TPO: variants seen among roughly 807,000 people sequenced by gnomAD.
TPO encodes thyroid peroxidase.
A neutral mutation model predicts 96.9 loss-of-function variants in TPO; 78 were observed. The ratio of observed to expected loss-of-function variants is 0.81; its 90% CI spans 0.67 to 0.97. The LOEUF is 0.97. Among genes scored for constraint, TPO ranks in the 50% least tolerant of loss-of-function variants. The pLI is 0.00. For synonymous variants in TPO, 547 were observed against 538.0 expected (o/e 1.02, Z -0.23); for missense variants, 1,252 against 1,274.8 (o/e 0.98, Z 0.27).
intron 15 of TPO, among the ~76,000 whole-genome samples, chr2:1,529,776 C>G: frequency 1.0e-5 from 1 of 99,998 alleles, no homozygotes; most frequent in East Asian, 3.9e-4. Context: ...CTCCTCTAAT[C>G]CCCCCACTGT....
chr2:1,517,017 C>T, intron 15 of TPO, 35 bp downstream of exon 15: 1 of 1,600,424 alleles, frequency 6.2e-7, no homozygotes, highest in Non-Finnish European at 8.6e-7. Flanking sequence ...TACTTAGACA[C>T]AAAGCAATCT....
chr2:1,463,316 A>G (rs560250629), intron 7 of TPO, among the ~76,000 whole-genome samples: 1 of 152,338 alleles, frequency 6.6e-6, no homozygotes, highest in Non-Finnish European at 1.5e-5. Context: ...AATATACCGT[A>G]TACTCTAGGA....
intron 1 of TPO, among the ~76,000 whole-genome samples, chr2:1,390,026 T>A (rs1040950529): frequency 2.0e-5 from 3 of 151,954 alleles, no homozygotes; most frequent in Admixed American, 2.0e-4. Context: ...TTTCTTTTTT[T>A]TTTTTTTTAA....
At chr2:1,440,168 G>A (rs1032540871) in intron 5 of TPO, among the ~76,000 whole-genome samples, 4 of 79,844 alleles carry the variant, frequency 5.0e-5, no homozygotes, top group East Asian at 2.5e-4. Flanking sequence ...CGTTTCCACC[G>A]TGCTGCGTTT....
intron 15 of TPO, among the ~76,000 whole-genome samples, 172 bp downstream of exon 15, chr2:1,517,154 C>A (rs142521767): frequency 2.6e-5 from 4 of 152,266 alleles, no homozygotes; most frequent in African/African-American, 9.6e-5. Flanking sequence ...CCGGATCTTT[C>A]ATTATGCTTT....
At chr2:1,539,713 G>A (rs760986828) in intron 15 of TPO, among the ~76,000 whole-genome samples, 1 of 152,084 alleles carries the variant, frequency 6.6e-6, no homozygotes, top group African/African-American at 2.4e-5. Flanking sequence ...ACGTTGCCGC[G>A]TTGACACAGG....
chr2:1,388,739 C>A (rs1244981334), intron 1 of TPO, among the ~76,000 whole-genome samples: 1 of 152,144 alleles, frequency 6.6e-6, no homozygotes, highest in East Asian at 1.9e-4. Context: ...GTCTGACAAG[C>A]CCCAGTGAGA....
At chr2:1,436,030 T>A (rs1453815124) in intron 4 of TPO, among the ~76,000 whole-genome samples, 2 of 152,154 alleles carry the variant, frequency 1.3e-5, no homozygotes, top group Non-Finnish European at 2.9e-5. Context: ...CAAAAATAAA[T>A]TTTAAAACCC....
At chr2:1,394,603 G>T (rs1164096384) in intron 1 of TPO, among the ~76,000 whole-genome samples, 3 of 152,210 alleles carry the variant, frequency 2.0e-5, no homozygotes, top group Non-Finnish European at 4.4e-5. Flanking sequence ...GGCCAGTGGG[G>T]CTGGGATTGG....
chr2:1,379,419 G>A (rs1430664235), intron 1 of TPO, among the ~76,000 whole-genome samples: 2 of 152,112 alleles, frequency 1.3e-5, no homozygotes, highest in African/African-American at 2.4e-5. Context: ...TCCAGGGCTG[G>A]AGCAATCCCT....
chr2:1,427,995 C>T (rs900101711), intron 3 of TPO, among the ~76,000 whole-genome samples: 5 of 152,022 alleles, frequency 3.3e-5, no homozygotes, highest in African/African-American at 4.8e-5. Context: ...GGATGATGTC[C>T]CCAAACCGAG....
At chr2:1,530,943 CCACT>C (rs1414419329) in intron 15 of TPO, among the ~76,000 whole-genome samples, 2 of 116,674 alleles carry the variant, frequency 1.7e-5, no homozygotes, top group East Asian at 5.5e-4. Context: ...CCAAATCCCC[CCACT>C]ATGTGCGACC....
upstream of TPO, among the ~76,000 whole-genome samples, chr2:1,412,263 C>G (rs1662419399): frequency 6.6e-6 from 1 of 152,318 alleles, no homozygotes; most frequent in South Asian, 2.1e-4. Context: ...AGGCATCAAA[C>G]CGAGGATGGC....
At chr2:1,442,202 T>G (rs1298975676) in intron 5 of TPO, among the ~76,000 whole-genome samples, 1 of 152,156 alleles carries the variant, frequency 6.6e-6, no homozygotes, top group Non-Finnish European at 1.5e-5. Flanking sequence ...ATCAGCAGCA[T>G]GAAAACAGAC....
intron 1 of TPO, among the ~76,000 whole-genome samples, chr2:1,378,347 C>T (rs896386671): frequency 2.0e-5 from 3 of 152,216 alleles, no homozygotes; most frequent in African/African-American, 7.2e-5. Flanking sequence ...CCCAGCCTCA[C>T]GGGAGTGCAG....
At position 1,433,629 on chromosome 2, in the gene TPO, A is replaced by T. The variant is rs774760033; in HGVS notation, c.349+22A>T. ...ACGGGTAATGTGTGCCCCTCTCCCCACTGAGGAGCGGCAACTCCCGAAGGA... is the reference window on the plus strand; with the variant it reads ...ACGGGTAATGTGTGCCCCTCTCCCCTCTGAGGAGCGGCAACTCCCGAAGGA... On this transcript the variant is annotated intron_variant, in intron 4 of 16. Coordinates refer to ENST00000329066, the MANE Select transcript of TPO (RefSeq NM_001206744.2). 13 of 1,610,804 alleles carry T rather than the reference A, an allele frequency of 8.1e-6. No homozygotes were observed. In the African/African-American group the frequency reaches 1.7e-4, roughly 22 times the overall value.
chr2:1,377,326 C>A (rs1268995666), intron 1 of TPO, among the ~76,000 whole-genome samples: 1 of 152,136 alleles, frequency 6.6e-6, no homozygotes, highest in East Asian at 1.9e-4. Context: ...ATTTCAAAAG[C>A]CCTACAAGGA....
At chr2:1,433,006 T>C (rs960718983) in intron 3 of TPO, among the ~76,000 whole-genome samples, 1 of 152,204 alleles carries the variant, frequency 6.6e-6, no homozygotes, top group Non-Finnish European at 1.5e-5. Flanking sequence ...AGGGAAGAAG[T>C]TGGAGCTGGG....
At chr2:1,450,727 TG>T (rs932958853) in intron 5 of TPO, among the ~76,000 whole-genome samples, 10 of 152,272 alleles carry the variant, frequency 6.6e-5, no homozygotes, top group African/African-American at 2.2e-4. Context: ...AGTGAACTGC[TG>T]ACATATAAAA....
Sources: gnomAD v4.1 joint callset for allele counts (sites outside exome capture counted in the v4.1 genomes callset) on GRCh38, gnomAD v4.1.1 for gene constraint, MANE v1.5 for transcripts, NCBI Gene and HGNC (gene_info 2026-07-23, HGNC 2026-07-21) for gene names.